Variants in TBC1D1 observed in about 807,000 individuals in gnomAD.
TBC1D1 encodes the protein TBC1 domain family member 1.
A neutral mutation model predicts 125.6 loss-of-function variants in TBC1D1; 89 were observed. The ratio of observed to expected loss-of-function variants is 0.71; its 90% confidence interval spans 0.60 to 0.85. The LOEUF (loss-of-function observed/expected upper bound fraction) is 0.85, where lower values mean the gene tolerates loss of function less well. Among genes scored for constraint, TBC1D1 ranks in the 40% least tolerant of loss-of-function variants. TBC1D1 has a pLI of 0.00. For missense variants in TBC1D1, 1,377 were observed against 1,469.2 expected (o/e 0.94, Z 1.03); for synonymous variants, 565 against 564.1 (o/e 1.00, Z -0.02).
chr4:37,973,776 A>G (rs1310051871), intron 2 of TBC1D1, among the ~76,000 whole-genome samples: 2 of 152,210 alleles, frequency 1.3e-5, no homozygotes, highest in Admixed American at 1.3e-4. Flanking sequence ...TCCAGGGCCT[A>G]TTGGTCAGTA....
chr4:38,114,511 G>C (rs1407412611), intron 15 of TBC1D1, among the ~76,000 whole-genome samples: 1 of 152,158 alleles, frequency 6.6e-6, no homozygotes, highest in Non-Finnish European at 1.5e-5. Flanking sequence ...TCCACCTTTT[G>C]CCTTCGCTGA....
chr4:37,912,614 G>A (rs1035609851), intron 2 of TBC1D1, among the ~76,000 whole-genome samples: 2 of 152,208 alleles, frequency 1.3e-5, no homozygotes, highest in Non-Finnish European at 2.9e-5. Context: ...ATAGTATTAA[G>A]AGGTGGGGTC....
chr4:38,105,047 A>G lies in TBC1D1; in HGVS notation c.2557+1890A>G, dbSNP rs533938109. 1.3e-3 allele frequency among the ~76,000 whole-genome samples: 197 copies of G among 152,128 alleles called. 1 individual carries two copies. The highest frequency in any genetic ancestry group is 3.6e-3 in the African/African-American group (151 of 41,506). On this transcript the variant is annotated intron_variant, in intron 15 of 19. Coordinates refer to ENST00000261439, the MANE Select transcript of TBC1D1 (RefSeq NM_015173.4). Reference sequence around the variant, plus strand: ...TGGGATTACAGGCGTGAGCCACCACACCCGGCCCCACTTAAGGTTATTCTT... The same window carrying G: ...TGGGATTACAGGCGTGAGCCACCACGCCCGGCCCCACTTAAGGTTATTCTT...
chr4:38,049,787 TC>T lies in TBC1D1; in HGVS notation c.1803del (p.Ile602SerfsTer22). 6.2e-7 allele frequency: 1 copy of T among 1,614,008 alleles called. No homozygotes were observed. The highest frequency in any genetic ancestry group is 1.1e-5 in the South Asian group (1 of 91,068). Reference sequence around the variant, plus strand: ...AGGCGAGCAAACACCCTGAGTCACTTCCCCATCGAATGCCAGGAACCTCCAC... The same window carrying T: ...AGGCGAGCAAACACCCTGAGTCACTTCCCATCGAATGCCAGGAACCTCCAC... On this transcript the variant is annotated frameshift_variant, in exon 11 of 20. Transcript: ENST00000261439. LOFTEE classifies it high-confidence loss of function.
In TBC1D1 at chr4:38,027,982, G is replaced by A. The variant is rs1745384528; in HGVS notation, c.1302+103G>A. On this transcript the variant is annotated intron_variant, in intron 7 of 19. Coordinates refer to ENST00000261439, the MANE Select transcript of TBC1D1 (RefSeq NM_015173.4). The stretch of plus-strand genomic sequence containing the variant: ...GCAAACCAGTGTTGTCCCAACCTGG[G>A]GGAAGGTGCCTTGAGTTCGTCTTGG... 6.3e-6 allele frequency: 5 copies of A among 791,690 alleles called. No individual in the cohort carries two copies. The East Asian group carries it at 1.4e-4, about 23-fold the overall frequency. The allele number at this position is 791,690 out of a possible 1,614,324, so 49.0% of individuals were successfully genotyped here.
intron 12 of TBC1D1, among the ~76,000 whole-genome samples, chr4:38,068,197 C>T (rs1057303841): frequency 3.9e-5 from 6 of 152,158 alleles, no homozygotes; most frequent in Non-Finnish European, 5.9e-5. Context: ...GCAAAACTGT[C>T]GCGGAAATCC....
intron 2 of TBC1D1, among the ~76,000 whole-genome samples, chr4:37,913,986 G>A (rs1211216081): frequency 6.6e-6 from 1 of 151,962 alleles, no homozygotes; most frequent in Non-Finnish European, 1.5e-5. Flanking sequence ...ACTCTCTTTT[G>A]GCTCTTGGAG....
At chr4:37,929,481 C>A (rs1438046906) in intron 2 of TBC1D1, among the ~76,000 whole-genome samples, 1 of 152,226 alleles carries the variant, frequency 6.6e-6, no homozygotes, top group Non-Finnish European at 1.5e-5. Flanking sequence ...GGACCCCTGG[C>A]ACCTATATTG....
chr4:38,031,547 C>G (rs1446060697), intron 7 of TBC1D1, among the ~76,000 whole-genome samples: 1 of 152,114 alleles, frequency 6.6e-6, no homozygotes, highest in Non-Finnish European at 1.5e-5. Flanking sequence ...TTAAGTAGTT[C>G]CCTTAGGAGA....
intron 8 of TBC1D1, among the ~76,000 whole-genome samples, chr4:38,042,035 A>G (rs1030109672): frequency 6.6e-6 from 1 of 151,872 alleles, no homozygotes; most frequent in Non-Finnish European, 1.5e-5. Flanking sequence ...AATTAGCCAG[A>G]TGTGGTGGCG....
At chr4:38,124,882 G>A in intron 17 of TBC1D1, 80 bp from the exon 20 acceptor site, 1 of 1,250,078 alleles carries the variant, frequency 8.0e-7, no homozygotes, top group Non-Finnish European at 1.2e-6. Context: ...CCTGCTCTGT[G>A]ATGTGTGGAA....
chr4:37,990,369 G>A (rs1736303331), intron 2 of TBC1D1, among the ~76,000 whole-genome samples: 1 of 151,348 alleles, frequency 6.6e-6, no homozygotes, highest in African/African-American at 2.4e-5. Flanking sequence ...TGTATTTTAT[G>A]TGTGGGCCAA....
At chr4:38,042,826 C>T (rs1164848511) in intron 8 of TBC1D1, among the ~76,000 whole-genome samples, 1 of 152,168 alleles carries the variant, frequency 6.6e-6, no homozygotes, top group African/African-American at 2.4e-5. Context: ...TTATATTAGT[C>T]TCTACACTTT....
chr4:37,999,240 T>A (rs1738496691), intron 2 of TBC1D1, among the ~76,000 whole-genome samples: 1 of 152,052 alleles, frequency 6.6e-6, no homozygotes, highest in South Asian at 2.1e-4. Flanking sequence ...TGAGTGAGAC[T>A]CCGTCTCAAA....
intron 2 of TBC1D1, among the ~76,000 whole-genome samples, chr4:37,932,426 T>G (rs1004653299): frequency 2.0e-5 from 3 of 152,166 alleles, no homozygotes; most frequent in African/African-American, 7.2e-5. Flanking sequence ...TTAGAGAAAA[T>G]AAATTGCAAG....
In TBC1D1 at chr4:38,085,712, G is replaced by C. The variant is rs562789891; in HGVS notation, c.2051-4220G>C. 8.5e-5 allele frequency among the ~76,000 whole-genome samples: 13 copies of C among 152,354 alleles called. No individual in the cohort carries two copies. In the South Asian group the frequency reaches 2.7e-3, roughly 32 times the overall value. On this transcript the variant is annotated intron_variant, in intron 12 of 19. Transcript: ENST00000261439. ...CGGATCCCTGGGATTGTTCTAGAGA[G>C]TAGAAACCTCAGAGTAGCCCTCCTT...
intron 2 of TBC1D1, among the ~76,000 whole-genome samples, chr4:37,919,911 G>C (rs1037424710): frequency 3.3e-5 from 5 of 152,154 alleles, no homozygotes; most frequent in African/African-American, 4.8e-5. Context: ...AGGAGATCGA[G>C]ACCATCCTGG....
chr4:38,083,146 G>A (rs1225645764), intron 12 of TBC1D1, among the ~76,000 whole-genome samples: 1 of 152,070 alleles, frequency 6.6e-6, no homozygotes, highest in Admixed American at 6.6e-5. Context: ...ATGTGTGTCT[G>A]ATCCACTAGG....
intron 2 of TBC1D1, among the ~76,000 whole-genome samples, chr4:37,949,955 G>A (rs902657187): frequency 5.9e-5 from 9 of 151,940 alleles, no homozygotes; most frequent in Admixed American, 2.6e-4. Context: ...CAGTTGCACC[G>A]AGAGGTAACC....
Sources: gnomAD v4.1 joint callset for allele counts (sites outside exome capture counted in the v4.1 genomes callset) on GRCh38, gnomAD v4.1.1 for gene constraint, MANE v1.5 for transcripts, NCBI Gene and HGNC (gene_info 2026-07-23, HGNC 2026-07-21) for gene names.